Variants in ROBO1 observed in about 807,000 individuals in gnomAD.
ROBO1 encodes the protein roundabout homolog 1.
Under a neutral mutation model 195.9 loss-of-function variants are expected in ROBO1, and 149 were observed. That is an observed-to-expected ratio of 0.76 (90% CI 0.67 to 0.87). The LOEUF (loss-of-function observed/expected upper bound fraction) is 0.87, where lower values mean the gene tolerates loss of function less well. Among genes scored for constraint, ROBO1 ranks in the 40% least tolerant of loss-of-function variants. ROBO1 has a pLI of 0.00. For missense variants in ROBO1, 1,933 were observed against 2,068.3 expected (o/e 0.93, Z 1.27); for synonymous variants, 816 against 733.2 (o/e 1.11, Z -1.82).
At chr3:79,264,785 A>G (rs1047705324) in intron 2 of ROBO1, among the ~76,000 whole-genome samples, 3 of 151,958 alleles carry the variant, frequency 2.0e-5, no homozygotes, top group African/African-American at 7.2e-5. Flanking sequence ...AATAGGTTGG[A>G]CAGCAATAAG....
chr3:79,576,598 A>G (rs1943494349), intron 2 of ROBO1, among the ~76,000 whole-genome samples: 1 of 152,138 alleles, frequency 6.6e-6, no homozygotes, highest in Non-Finnish European at 1.5e-5. Flanking sequence ...CACGGCTGGT[A>G]GAAGTATGAC....
At chr3:79,655,502 T>C (rs564481260) in intron 1 of ROBO1, among the ~76,000 whole-genome samples, 2 of 152,250 alleles carry the variant, frequency 1.3e-5, no homozygotes, top group African/African-American at 4.8e-5. Flanking sequence ...AGTATAGTTA[T>C]CAAATCTATC....
At chr3:79,019,231 G>A in intron 3 of ROBO1, 6 of 985,992 alleles carry the variant, frequency 6.1e-6, no homozygotes, top group Non-Finnish European at 7.2e-6. Flanking sequence ...GCGCTCGCAG[G>A]CACCCCTAAA....
intron 28 of ROBO1, among the ~76,000 whole-genome samples, chr3:78,611,950 G>A (rs985175755): frequency 6.6e-6 from 1 of 152,096 alleles, no homozygotes; most frequent in Non-Finnish European, 1.5e-5. Context: ...CTGGCTTCCA[G>A]AACTGTGAAG....
At chr3:78,651,257 G>T (rs1036445) in intron 19 of ROBO1, among the ~76,000 whole-genome samples, 138,120 of 152,158 alleles carry the variant, frequency 0.91, 63,419 homozygotes, top group Non-Finnish European at 0.97. Flanking sequence ...CACTCAGTCA[G>T]GCCTTCCATA....
chr3:78,600,553 C>T (rs1446508193), intron 29 of ROBO1, among the ~76,000 whole-genome samples: 1 of 152,036 alleles, frequency 6.6e-6, no homozygotes, highest in Non-Finnish European at 1.5e-5. Flanking sequence ...AGCTCTTGTC[C>T]ATCTCAAACT....
intron 3 of ROBO1, among the ~76,000 whole-genome samples, chr3:79,029,729 TA>T (rs1234580417): frequency 6.6e-6 from 1 of 152,228 alleles, no homozygotes; most frequent in Non-Finnish European, 1.5e-5. Flanking sequence ...ATTTATCTTT[TA>T]AGTTTCAGAT....
intron 1 of ROBO1, among the ~76,000 whole-genome samples, chr3:79,764,855 G>C (rs1700236870): frequency 6.6e-6 from 1 of 152,176 alleles, no homozygotes; most frequent in Non-Finnish European, 1.5e-5. Flanking sequence ...GAGATATTAG[G>C]GTATTTGTTC....
chr3:79,532,803 T>C (rs1431141267), intron 2 of ROBO1, among the ~76,000 whole-genome samples: 4 of 152,132 alleles, frequency 2.6e-5, no homozygotes, highest in Non-Finnish European at 4.4e-5. Context: ...AGACAAGAGC[T>C]GGCTTCCAAA....
chr3:79,523,033 C>G (rs1028030933), intron 2 of ROBO1, among the ~76,000 whole-genome samples: 1 of 152,092 alleles, frequency 6.6e-6, no homozygotes, highest in Non-Finnish European at 1.5e-5. Flanking sequence ...GCTTTACAAT[C>G]AGATGACAGT....
chr3:78,668,092 G>T (rs1269510521), intron 13 of ROBO1, 42 bp downstream of exon 13: 1 of 1,609,442 alleles, frequency 6.2e-7, no homozygotes. Flanking sequence ...ATTTAATGGA[G>T]AATCAAAAAA....
intron 5 of ROBO1, among the ~76,000 whole-genome samples, chr3:78,739,628 G>T (rs886634673): frequency 1.3e-5 from 2 of 152,036 alleles, no homozygotes; most frequent in Non-Finnish European, 2.9e-5. Flanking sequence ...ATTTTAGGTT[G>T]TCTGAGCTAT....
At chr3:79,370,438 AC>A (rs1213668154) in intron 2 of ROBO1, among the ~76,000 whole-genome samples, 2 of 151,868 alleles carry the variant, frequency 1.3e-5, no homozygotes, top group Middle Eastern at 3.2e-3. Flanking sequence ...TATTCACAAA[AC>A]CCTATGCATG....
intron 3 of ROBO1, among the ~76,000 whole-genome samples, chr3:78,946,598 G>C (rs1478587182): frequency 6.6e-6 from 1 of 152,208 alleles, no homozygotes; most frequent in Admixed American, 6.5e-5. Context: ...TCAAGGCTAG[G>C]AAGAAACTGC....
chr3:79,047,385 C>G (rs2078614327), intron 3 of ROBO1, among the ~76,000 whole-genome samples: 2 of 151,766 alleles, frequency 1.3e-5, no homozygotes, highest in African/African-American at 4.8e-5. Context: ...AAAAAAAGTG[C>G]CAAGACTTTT....
At chr3:79,347,526 T>C (rs1338259587) in intron 2 of ROBO1, among the ~76,000 whole-genome samples, 1 of 152,192 alleles carries the variant, frequency 6.6e-6, no homozygotes, top group Non-Finnish European at 1.5e-5. Flanking sequence ...AATTAATTAA[T>C]GGATTTAGCT....
At chr3:78,911,936 A>G (rs1484978860) in intron 4 of ROBO1, among the ~76,000 whole-genome samples, 1 of 152,072 alleles carries the variant, frequency 6.6e-6, no homozygotes, top group African/African-American at 2.4e-5. Context: ...TCTTTAGTAT[A>G]AGAAATGAAA....
chr3:79,101,645 C>A (rs2079678440), intron 3 of ROBO1, among the ~76,000 whole-genome samples: 1 of 151,730 alleles, frequency 6.6e-6, no homozygotes, highest in Non-Finnish European at 1.5e-5. Context: ...ATTACAAGAA[C>A]CTGAAAGGAG....
intron 2 of ROBO1, among the ~76,000 whole-genome samples, chr3:79,383,855 T>C (rs1575754561): frequency 6.6e-6 from 1 of 152,080 alleles, no homozygotes; most frequent in African/African-American, 2.4e-5. Flanking sequence ...AACTGAGCTT[T>C]AGATCTTTGT....
Sources: allele counts gnomAD v4.1 joint callset (sites outside exome capture counted in the v4.1 genomes callset), GRCh38; gene constraint gnomAD v4.1.1; transcripts MANE v1.5; gene names NCBI Gene and HGNC (gene_info 2026-07-23, HGNC 2026-07-21).